MSH5: variants seen among roughly 807,000 people sequenced by gnomAD.
The protein encoded by MSH5 is mutS protein homolog 5.
MSH5 carries 78 observed loss-of-function variants against 107.7 expected under a neutral mutation model. The observed-to-expected ratio is 0.72, with a 90% CI of 0.60 to 0.87. The LOEUF (loss-of-function observed/expected upper bound fraction) is 0.87, where lower values mean the gene tolerates loss of function less well. Ranked by LOEUF, MSH5 falls within the 40% of genes least tolerant of loss-of-function variation. MSH5 has a pLI of 0.00. For missense variants in MSH5, 889 were observed against 1,046.6 expected (o/e 0.85, Z 2.08); for synonymous variants, 326 against 399.5 (o/e 0.82, Z 2.19).
intron 9 of MSH5, 83 bp from the exon 10 acceptor site, chr6:31,747,304 A>C: frequency 6.9e-7 from 1 of 1,454,474 alleles, no homozygotes; most frequent in Non-Finnish European, 9.6e-7. Context: ...TCTGACCTGG[A>C]TGCCTCAGCT....
Position 31,742,635 on chromosome 6 carries a change from CA to C in MSH5, c.272-241del, listed in dbSNP as rs527806384. Among the ~76,000 whole-genome samples, 44 of 152,298 alleles carry C rather than the reference CA, an allele frequency of 2.9e-4. No homozygotes were observed. In the East Asian group the frequency reaches 7.9e-3, roughly 27 times the overall value. Reference sequence around the variant, plus strand: ...GGGCAAATCAGTCATGTCTGTTCTCCAGGGGTTTACAGCCTAGTGACAACAT... The same window carrying C: ...GGGCAAATCAGTCATGTCTGTTCTCCGGGGTTTACAGCCTAGTGACAACAT... On this transcript the variant is annotated intron_variant, in intron 3 of 24. Coordinates refer to ENST00000375750, the MANE Select transcript of MSH5 (RefSeq NM_172166.4).
intron 10 of MSH5, among the ~76,000 whole-genome samples, chr6:31,748,365 T>TG (rs41315187): frequency 6.7e-6 from 1 of 150,102 alleles, no homozygotes; most frequent in African/African-American, 2.5e-5. Flanking sequence ...TTTTTTTTTT[T>TG]GTGACTGAGT....
In MSH5 at chr6:31,758,523, T is replaced by A. The variant is rs1488373333; in HGVS notation, c.1144-25T>A. 6.2e-7 allele frequency: 1 copy of A among 1,612,860 alleles called. No individual in the cohort carries two copies. Among genetic ancestry groups the A allele is most frequent in the Admixed American group, 1.7e-5 (1 of 60,008 alleles). On this transcript the variant is annotated intron_variant, in intron 13 of 24. Transcript: ENST00000375750. The surrounding 1 kb of genome is among the most constrained non-coding windows in gnomAD (Gnocchi z 5.1). Reference sequence around the variant, plus strand: ...GAACAGGACAGAGGGTGCCAGGTCCTAAGAAACAGTACTTATCTCCTCAGG... The same window carrying A: ...GAACAGGACAGAGGGTGCCAGGTCCAAAGAAACAGTACTTATCTCCTCAGG...
chr6:31,741,221 G>A lies in MSH5; in HGVS notation c.206G>A (p.Ser69Asn), dbSNP rs1209413151. The change falls in exon 3 of 25, where the codon AGT becomes AAT. Residue 69 changes from serine (S) to asparagine (N), a missense_variant. Physicochemically the swap from Ser to Asn is conservative, Grantham distance 46 (BLOSUM62 1). Coordinates refer to ENST00000375750, the MANE Select transcript of MSH5 (RefSeq NM_172166.4). ...GYLGIAYYDTSDSTIHFMPDA... is the reference protein window; with the variant it reads ...GYLGIAYYDTNDSTIHFMPDA... ...TTGGGCATTGCCTACTATGATACTAGTGACTCCACTATCCACTTCATGCCA... is the reference window on the plus strand; with the variant it reads ...TTGGGCATTGCCTACTATGATACTAATGACTCCACTATCCACTTCATGCCA... 8.7e-6 allele frequency: 14 copies of A among 1,612,688 alleles called. No individual in the cohort carries two copies. Among genetic ancestry groups the A allele is most frequent in the African/African-American group, 2.7e-5 (2 of 74,802 alleles).
Position 31,761,797 on chromosome 6 carries a change from T to C in MSH5, c.2182-21T>C. 6.2e-7 allele frequency: 1 copy of C among 1,613,126 alleles called. No homozygotes were observed. The highest frequency in any genetic ancestry group is 8.5e-7 in the Non-Finnish European group (1 of 1,180,022). On this transcript the variant is annotated intron_variant, in intron 22 of 24. Coordinates refer to ENST00000375750, the MANE Select transcript of MSH5 (RefSeq NM_172166.4). This position sits in a 1 kb window ranked among gnomAD's most constrained non-coding sequence, Gnocchi z 5.3. ...AGGAAGGAGGTGATTGATGATACAC[T>C]GTCTTTTATTCTCTTTTAAGACCAT...
Position 31,759,213 on chromosome 6 carries a change from G to A in MSH5, c.1407+36G>A. On this transcript the variant is annotated intron_variant, in intron 16 of 24. Transcript: ENST00000375750. This position sits in a 1 kb window ranked among gnomAD's most constrained non-coding sequence, Gnocchi z 4.7. ...CAACCTCTGTAAGGTGAGTGATGAG[G>A]AAAATGAGTCAGCAGCTGAGGAAGA... The A allele has an allele frequency of 1.3e-6, 2 of 1,581,186 alleles. No individual in the cohort carries two copies. Among genetic ancestry groups the A allele is most frequent in the Non-Finnish European group, 8.7e-7 (1 of 1,151,616 alleles).
intron 5 of MSH5, chr6:31,743,629 C>T: frequency 2.0e-6 from 1 of 507,466 alleles, no homozygotes; most frequent in Non-Finnish European, 3.4e-6. Flanking sequence ...ATTATTTTGA[C>T]CAAAATCCTC....
intron 3 of MSH5, 96 bp from the exon 4 acceptor site, chr6:31,742,781 T>C: frequency 8.5e-7 from 1 of 1,175,378 alleles, no homozygotes; most frequent in African/African-American, 1.5e-5. Flanking sequence ...GAAATGTTTT[T>C]GAGAAGGAGA....
intron 10 of MSH5, 33 bp from the exon 11 acceptor site, chr6:31,753,261 ATGTAACT>A (rs779190444): frequency 1.9e-6 from 3 of 1,563,890 alleles, no homozygotes; most frequent in South Asian, 1.2e-5. Context: ...AAGATGATAG[ATGTAACT>A]TGTAGTACCC....
intron 9 of MSH5, chr6:31,746,320 C>G (rs988725849): frequency 2.7e-5 from 4 of 150,514 alleles, no homozygotes; most frequent in African/African-American, 9.8e-5. Context: ...TGGTCTTGAA[C>G]TCCTGACCTC....
In MSH5 at chr6:31,744,566, A is replaced by T. The variant is rs1809236970; in HGVS notation, c.668A>T (p.Asp223Val). 6.2e-7 allele frequency: 1 copy of T among 1,613,154 alleles called. No homozygotes were observed. Among genetic ancestry groups the T allele is most frequent in the African/African-American group, 1.3e-5 (1 of 74,904 alleles). Reference sequence around the variant, plus strand: ...CTCAGGACTCATCTGGTGAACATAGATCAAGACACTTACAGGTAAAGAGGT... The same window carrying T: ...CTCAGGACTCATCTGGTGAACATAGTTCAAGACACTTACAGGTAAAGAGGT... ...KFMLTHLVNI[D>V]QDTYSVLQIF... is the part of the protein sequence containing the mutation. Residue 223 changes from aspartate (D) to valine (V), a missense_variant, in exon 8 of 25, where the codon GAT (aspartate) becomes GTT (valine). By Grantham distance (152) the Asp-to-Val change is radical. Transcript: ENST00000375750.
At position 31,752,233 on chromosome 6, in the gene MSH5, G is replaced by A. The variant is rs11751961; in HGVS notation, c.813-1068G>A. On this transcript the variant is annotated intron_variant, in intron 10 of 24. Coordinates refer to ENST00000375750, the MANE Select transcript of MSH5 (RefSeq NM_172166.4). ...AGGCGGGTGGATCACAAGGTCAGGA[G>A]TTCAAGACCAGCCTGGCCAAGATGG... Among the ~76,000 whole-genome samples, 766 of 151,098 alleles carry A rather than the reference G, an allele frequency of 5.1e-3. 5 individuals are homozygous for A. The highest frequency in any genetic ancestry group is 0.024 in the Middle Eastern group (7 of 290).
chr6:31,754,758 T>C (rs1005000783), intron 12 of MSH5, among the ~76,000 whole-genome samples: 19 of 149,874 alleles, frequency 1.3e-4, no homozygotes, highest in Non-Finnish European at 1.9e-4. Flanking sequence ...TTTTTCTTTT[T>C]TTTTTTTTTT....
chr6:31,747,040 C>T (rs980515603), intron 9 of MSH5, among the ~76,000 whole-genome samples: 1 of 151,450 alleles, frequency 6.6e-6, no homozygotes, highest in African/African-American at 2.4e-5. Flanking sequence ...AGGATGGTCT[C>T]GATCTCCTGA....
chr6:31,743,910 A>G lies in MSH5; in HGVS notation c.422A>G (p.Glu141Gly). 6 of 1,613,226 alleles carry G rather than the reference A, an allele frequency of 3.7e-6. No individual in the cohort carries two copies. The highest frequency in any genetic ancestry group is 4.2e-6 in the Non-Finnish European group (5 of 1,179,980). Residue 141 changes from glutamate (E) to glycine (G), a missense_variant, in exon 6 of 25, where the codon GAG becomes GGG. By Grantham distance (98) the Glu-to-Gly change is moderately conservative. Around this residue, in one of 3 missense-constraint regions of MSH5, gnomAD observed 518 missense variants for 565.0 expected, o/e 0.92. Transcript: ENST00000375750. ...IFLPSVDFGLEISKQRLLSGN... is the reference protein window; with the variant it reads ...IFLPSVDFGLGISKQRLLSGN... ...GCTTGCCTCCCTCAAATAGGTCTGG[A>G]GATAAGCAAACAACGCCTCCTTTCT...
chr6:31,752,492 C>T lies in MSH5; in HGVS notation c.813-809C>T, dbSNP rs144755214. Among the ~76,000 whole-genome samples the T allele has an allele frequency of 7.7e-3, 1,172 of 152,242 alleles. 27 individuals are homozygous for T. Among genetic ancestry groups the T allele is most frequent in the South Asian group, 0.077 (370 of 4,820 alleles). Reference sequence around the variant, plus strand: ...AATCCCAGCACTTTGGGAGCCGAGGCGGGCAGATCACGAGGTCAAGAGATC... The same window carrying T: ...AATCCCAGCACTTTGGGAGCCGAGGTGGGCAGATCACGAGGTCAAGAGATC... On this transcript the variant is annotated intron_variant, in intron 10 of 24. Transcript: ENST00000375750.
rs1345869933 is a variant in MSH5, at chr6:31,740,844, C to T, written c.147+231C>T. On this transcript the variant is annotated intron_variant, in intron 2 of 24. Transcript: ENST00000375750. This position sits in a 1 kb window ranked among gnomAD's most constrained non-coding sequence, Gnocchi z 4.4. ...AGCGTGGTGGCACGTGCCTGTTATC[C>T]CAGCTACTGGGAAGGCTGAGGCAGG... 6.6e-6 allele frequency among the ~76,000 whole-genome samples: 1 copy of T among 152,026 alleles called. No individual in the cohort carries two copies. The highest frequency in any genetic ancestry group is 1.5e-5 in the Non-Finnish European group (1 of 67,982).
intron 5 of MSH5, 50 bp from the exon 6 acceptor site, chr6:31,743,854 G>GA: frequency 6.3e-7 from 1 of 1,594,942 alleles, no homozygotes; most frequent in Non-Finnish European, 8.5e-7. Flanking sequence ...AAAATGGGGT[G>GA]AAAAAATTGA....
chr6:31,758,944 T>G lies in MSH5; in HGVS notation c.1326+69T>G. On this transcript the variant is annotated intron_variant, in intron 15 of 24. Coordinates refer to ENST00000375750, the MANE Select transcript of MSH5 (RefSeq NM_172166.4). This position sits in a 1 kb window ranked among gnomAD's most constrained non-coding sequence, Gnocchi z 5.1. ...GGAGATATTAGGCTTATGAAAGACA[T>G]ACTGGTAGATAAGAAAACTTGTGGG... is the stretch of plus-strand genomic sequence containing the variant. 1 of 1,465,542 alleles carries G rather than the reference T, an allele frequency of 6.8e-7. No individual in the cohort carries two copies. Among genetic ancestry groups the G allele is most frequent in the Non-Finnish European group, 9.6e-7 (1 of 1,047,020 alleles). The allele number at this position is 1,465,542 out of a possible 1,614,324, so 90.8% of individuals were successfully genotyped here.
Sources: allele counts gnomAD v4.1 joint callset (sites outside exome capture counted in the v4.1 genomes callset), GRCh38; gene constraint gnomAD v4.1.1; regional missense constraint gnomAD v4.1.1; non-coding constraint Gnocchi (gnomAD v3.1); transcripts MANE v1.5; gene names NCBI Gene and HGNC (gene_info 2026-07-23, HGNC 2026-07-21).